CCSER1: variants seen among roughly 807,000 people sequenced by gnomAD.
The protein encoded by CCSER1 is coiled-coil serine rich protein 1, also known as serine-rich coiled-coil domain-containing protein 1.
In CCSER1, 41 loss-of-function variants were observed where a neutral mutation model predicts 82.0. That is an observed-to-expected ratio of 0.50 (90% CI 0.39 to 0.65). The LOEUF (loss-of-function observed/expected upper bound fraction) is 0.65, where lower values mean the gene tolerates loss of function less well. CCSER1 is among the 30% of genes least tolerant of loss of function. CCSER1 has a pLI of 0.00. For synonymous variants in CCSER1, 414 were observed against 383.9 expected (o/e 1.08, Z -0.92); for missense variants, 1,119 against 1,064.2 (o/e 1.05, Z -0.72).
intron 10 of CCSER1, among the ~76,000 whole-genome samples, chr4:91,096,900 A>G (rs1225650728): frequency 6.6e-6 from 1 of 152,166 alleles, no homozygotes; most frequent in East Asian, 1.9e-4. Flanking sequence ...AACCAAAACC[A>G]AAGTATCAGG....
At chr4:90,662,898 T>C (rs1236573779) in intron 6 of CCSER1, among the ~76,000 whole-genome samples, 2 of 152,180 alleles carry the variant, frequency 1.3e-5, no homozygotes, top group Admixed American at 6.5e-5. Context: ...ATATTTTCTT[T>C]CCTTGGCAGT....
At chr4:90,817,041 T>C (rs1759112724) in intron 8 of CCSER1, among the ~76,000 whole-genome samples, 1 of 152,124 alleles carries the variant, frequency 6.6e-6, no homozygotes, top group Admixed American at 6.5e-5. Flanking sequence ...ACGTGTTACA[T>C]TACCAAAATA....
chr4:90,549,128 T>G (rs1777149706), intron 5 of CCSER1, among the ~76,000 whole-genome samples: 1 of 152,218 alleles, frequency 6.6e-6, no homozygotes, highest in African/African-American at 2.4e-5. Context: ...TTTTCACTAA[T>G]CATCCACTGC....
rs535058030 is a variant in CCSER1, at chr4:91,217,711, T to C, written c.2217+131717T>C. On this transcript the variant is annotated intron_variant, in intron 10 of 10. Coordinates refer to ENST00000509176, the MANE Select transcript of CCSER1 (RefSeq NM_001145065.2). ...CCCTGAGCTAGATACAGAGTGCCGA[T>C]TGGTGTATTTACAATCCCTGAGCTA... Among the ~76,000 whole-genome samples, 6 of 151,694 alleles carry C rather than the reference T, an allele frequency of 4.0e-5. No homozygotes were observed. The East Asian group carries it at 1.2e-3, about 30-fold the overall frequency.
At chr4:90,717,471 A>G (rs915370047) in intron 6 of CCSER1, among the ~76,000 whole-genome samples, 1 of 152,146 alleles carries the variant, frequency 6.6e-6, no homozygotes, top group African/African-American at 2.4e-5. Flanking sequence ...AGATTTAGAG[A>G]TTAAACTCAA....
chr4:90,729,594 G>A (rs1172251935), intron 7 of CCSER1, among the ~76,000 whole-genome samples: 1 of 152,056 alleles, frequency 6.6e-6, no homozygotes, highest in African/African-American at 2.4e-5. Context: ...TATATATATT[G>A]GCCGGGCGCA....
intron 9 of CCSER1, among the ~76,000 whole-genome samples, chr4:91,082,175 C>A (rs1425917896): frequency 1.3e-5 from 2 of 152,124 alleles, no homozygotes; most frequent in African/African-American, 4.8e-5. Context: ...TACTACAAGG[C>A]TACAGTAACC....
At chr4:91,049,579 AATAAAG>A (rs1380627093) in intron 9 of CCSER1, among the ~76,000 whole-genome samples, 4 of 152,318 alleles carry the variant, frequency 2.6e-5, no homozygotes, top group African/African-American at 7.2e-5. Context: ...AGCTAAACAA[AATAAAG>A]ATAATCTCAA....
At chr4:91,479,202 T>G (rs1315509130) in intron 10 of CCSER1, among the ~76,000 whole-genome samples, 1 of 151,634 alleles carries the variant, frequency 6.6e-6, no homozygotes, top group African/African-American at 2.4e-5. Context: ...AAAATTAACT[T>G]TTATTATGTT....
chr4:91,338,178 A>G (rs948425093), intron 10 of CCSER1, among the ~76,000 whole-genome samples: 1 of 152,162 alleles, frequency 6.6e-6, no homozygotes, highest in African/African-American at 2.4e-5. Context: ...TGGCCTAGAC[A>G]TTCCAAACAG....
chr4:91,124,298 A>G (rs17018040), intron 10 of CCSER1, among the ~76,000 whole-genome samples: 8,451 of 151,884 alleles, frequency 0.056, 282 homozygotes, highest in East Asian at 0.084. Context: ...TGTAAATAAA[A>G]CAAGAGAAAT....
At chr4:90,780,326 C>A in intron 7 of CCSER1, 1 of 1,069,094 alleles carries the variant, frequency 9.4e-7, no homozygotes, top group Non-Finnish European at 1.4e-6. Flanking sequence ...TTACGCTTCC[C>A]ATCTAAATTA....
intron 5 of CCSER1, among the ~76,000 whole-genome samples, chr4:90,577,153 C>G (rs763992968): frequency 1.3e-5 from 2 of 151,968 alleles, no homozygotes; most frequent in Non-Finnish European, 2.9e-5. Context: ...ATGCTTATTT[C>G]TTGTCTGTAT....
chr4:90,604,595 G>A (rs1339206566), intron 5 of CCSER1, among the ~76,000 whole-genome samples: 5 of 152,196 alleles, frequency 3.3e-5, no homozygotes, highest in South Asian at 2.1e-4. Context: ...CGAGCTGCCC[G>A]CTTCCGGGAT....
chr4:90,448,980 C>A (rs572222121), intron 4 of CCSER1, among the ~76,000 whole-genome samples: 3 of 152,250 alleles, frequency 2.0e-5, no homozygotes, highest in Admixed American at 1.3e-4. Flanking sequence ...CTTTATTGAG[C>A]TACATTACAC....
intron 6 of CCSER1, among the ~76,000 whole-genome samples, chr4:90,697,536 A>C (rs1579988435): frequency 6.6e-6 from 1 of 152,118 alleles, no homozygotes; most frequent in African/African-American, 2.4e-5. Context: ...TTAAAAAAAA[A>C]CAATTCTTAC....
intron 10 of CCSER1, among the ~76,000 whole-genome samples, chr4:91,424,248 A>T (rs1333283557): frequency 1.3e-5 from 2 of 150,092 alleles, no homozygotes; most frequent in South Asian, 4.2e-4. Flanking sequence ...CGATCTCCTG[A>T]CCTCATGATC....
At chr4:91,080,355 C>T (rs1722569119) in intron 9 of CCSER1, among the ~76,000 whole-genome samples, 1 of 152,086 alleles carries the variant, frequency 6.6e-6, no homozygotes, top group South Asian at 2.1e-4. Context: ...AATGAACATG[C>T]TCTTTGAAAC....
chr4:90,510,618 C>G (rs937585730), intron 5 of CCSER1, among the ~76,000 whole-genome samples: 1 of 152,182 alleles, frequency 6.6e-6, no homozygotes, highest in Non-Finnish European at 1.5e-5. Context: ...TGCTTTGGAA[C>G]ATTCCTATTG....
Sources: allele counts gnomAD v4.1 joint callset (sites outside exome capture counted in the v4.1 genomes callset), GRCh38; gene constraint gnomAD v4.1.1; transcripts MANE v1.5; gene names NCBI Gene and HGNC (gene_info 2026-07-23, HGNC 2026-07-21).